The following MICAL3 variants were observed in gnomAD, a reference collection of about 807,000 sequenced individuals.
The protein encoded by MICAL3 is [F-actin]-monooxygenase MICAL3.
A neutral mutation model predicts 207.4 loss-of-function variants in MICAL3; 62 were observed. The observed-to-expected ratio is 0.30, with a 90% confidence interval of 0.24 to 0.37. The LOEUF (loss-of-function observed/expected upper bound fraction) is 0.37, where lower values mean the gene tolerates loss of function less well. Ranked by LOEUF, MICAL3 falls within the 10% of genes least tolerant of loss-of-function variation. The probability of loss-of-function intolerance (pLI) is 1.00; values close to 1 mark genes in which losing one functional copy is unlikely to be tolerated. For synonymous variants in MICAL3, 1,077 were observed against 1,069.3 expected, an observed-to-expected ratio of 1.01 and a Z score of -0.14; for missense variants, 2,368 against 2,635.6, an observed-to-expected ratio of 0.90 and a Z score of 2.22.
rs1016067359 is a variant in MICAL3, at chr22:17,818,134, C to T, written c.4527G>A (p.Val1509=). Residue 1509 remains valine, a synonymous_variant, in exon 26 of 32, where the codon GTG becomes GTA. Transcript: ENST00000441493. ...CCACGCTCTCCACAAACGACTTCCGCACCTCCTCTCTGGGGGGCTGAGCAG... is the reference window on the plus strand; with the variant it reads ...CCACGCTCTCCACAAACGACTTCCGTACCTCCTCTCTGGGGGGCTGAGCAG... The part of the protein sequence containing the change: ...REPAQPPREE[V]RKSFVESVEE... 3 of 1,609,362 alleles carry T rather than the reference C, an allele frequency of 1.9e-6. No homozygotes were observed. The highest frequency in any genetic ancestry group is 2.7e-5 in the African/African-American group (2 of 74,894).
Position 17,909,523 on chromosome 22 carries a change from T to C in MICAL3, c.-74-2637A>G, listed in dbSNP as rs1931976505. Among the ~76,000 whole-genome samples, 4 of 152,132 alleles carry C rather than the reference T, an allele frequency of 2.6e-5. No homozygotes were observed. In the South Asian group the frequency reaches 8.3e-4, roughly 32 times the overall value. On this transcript the variant is annotated intron_variant, in intron 1 of 31. Transcript: ENST00000441493. ...CTCAGCGACAGAGTGAGACCCTGTC[T>C]CAAAACAAAACAAAACAAAAACAAT...
At chr22:17,827,814 A>G in intron 21 of MICAL3, 33 bp from the exon 22 acceptor site, 6 of 1,523,398 alleles carry the variant, frequency 3.9e-6, no homozygotes, top group Non-Finnish European at 5.3e-6. Context: ...TGGAGAAATG[A>G]GGTGGGGAAG....
rs1223341201 is a variant in MICAL3, at chr22:17,788,917, TG to T, written c.*1814del. ...GAGGGGCCAGGCCTCTGCTCCCAGC[TG>T]GCCCCAGCCCACGGAGGCGGCAGGC... On this transcript the variant is annotated 3_prime_UTR_variant, in exon 32 of 32. Coordinates refer to ENST00000441493, the MANE Select transcript of MICAL3 (RefSeq NM_015241.3). The T allele has an allele frequency of 6.6e-6, 1 of 152,512 alleles. No individual in the cohort carries two copies. Among genetic ancestry groups the T allele is most frequent in the Non-Finnish European group, 1.5e-5 (1 of 68,240 alleles). The allele number at this position is 152,512 out of a possible 1,614,324, so 9.4% of individuals were successfully genotyped here.
intron 1 of MICAL3, among the ~76,000 whole-genome samples, chr22:18,013,102 C>T (rs950216908): frequency 2.6e-5 from 4 of 152,130 alleles, no homozygotes; most frequent in Admixed American, 1.3e-4. Context: ...AGCAGGGAGC[C>T]GCAGAACTGA....
At chr22:17,882,335 C>T (rs1228088317) in intron 16 of MICAL3, among the ~76,000 whole-genome samples, 2 of 152,220 alleles carry the variant, frequency 1.3e-5, no homozygotes, top group Non-Finnish European at 2.9e-5. Context: ...TCAGCTATCA[C>T]TGTCCTACCA....
At position 17,817,783 on chromosome 22, in the gene MICAL3, G is replaced by A; in HGVS notation, c.4878C>T (p.Ala1626=). Reference sequence around the variant, plus strand: ...CCTTGCGGGGCCTGGGGGCGCCTGAGGCCAGCTCCATCTGCTGCATCCTGC... The same window carrying A: ...CCTTGCGGGGCCTGGGGGCGCCTGAAGCCAGCTCCATCTGCTGCATCCTGC... ...QLSRMQQMEL[A]SGAPRPRKAS... The change falls in exon 26 of 32, where the codon GCC becomes GCT. Residue 1626 remains alanine, a synonymous_variant. Transcript: ENST00000441493. The A allele has an allele frequency of 3.7e-6, 6 of 1,602,718 alleles. No individual in the cohort carries two copies. Among genetic ancestry groups the A allele is most frequent in the Non-Finnish European group, 5.1e-6 (6 of 1,174,228 alleles).
Position 17,907,302 on chromosome 22 carries a change from G to T in MICAL3, c.-74-416C>A, listed in dbSNP as rs1255657249. 2.0e-5 allele frequency among the ~76,000 whole-genome samples: 3 copies of T among 152,310 alleles called. No homozygotes were observed. The East Asian group carries it at 5.8e-4, about 29-fold the overall frequency. On this transcript the variant is annotated intron_variant, in intron 1 of 31. Transcript: ENST00000441493. The stretch of plus-strand genomic sequence containing the variant: ...TAAATGTTAGCCAGGCAGGGAAGAG[G>T]TGTAGGACATGGGAAAGTGACAAAG...
At chr22:17,964,730 A>G (rs448680) in intron 1 of MICAL3, among the ~76,000 whole-genome samples, 91,616 of 151,968 alleles carry the variant, frequency 0.6, 28,507 homozygotes, top group Middle Eastern at 0.77. Flanking sequence ...TTTCTGGTAC[A>G]AGCCAGTCCT....
At chr22:17,927,707 G>C (rs185906740) in intron 1 of MICAL3, among the ~76,000 whole-genome samples, 5 of 152,208 alleles carry the variant, frequency 3.3e-5, no homozygotes, top group African/African-American at 1.2e-4. Context: ...CTGAACCTCT[G>C]CTTGTCCTCT....
rs992540152 is a variant in MICAL3 at position 17,878,154 on chromosome 22, T to C, written c.2242-6131A>G. 2.6e-5 allele frequency among the ~76,000 whole-genome samples: 4 copies of C among 152,156 alleles called. No homozygotes were observed. In the East Asian group the frequency reaches 5.8e-4, roughly 22 times the overall value. ...AGGCCTGAGCCACCGCACCCGGCCT[T>C]CCCCTCCCTTCTTCTTTTAGGCGCT... On this transcript the variant is annotated intron_variant, in intron 16 of 31. Coordinates refer to ENST00000441493, the MANE Select transcript of MICAL3 (RefSeq NM_015241.3).
intron 16 of MICAL3, chr22:17,876,764 T>TA (rs1928436308): frequency 7.1e-6 from 1 of 140,972 alleles, no homozygotes; most frequent in South Asian, 2.2e-4. Context: ...TTAAGGAGGT[T>TA]AGGGAAGTTA....
At chr22:17,797,555 A>G (rs1280431432) in intron 29 of MICAL3, among the ~76,000 whole-genome samples, 2 of 152,206 alleles carry the variant, frequency 1.3e-5, no homozygotes, top group Non-Finnish European at 2.9e-5. Context: ...CTCTGTTCAT[A>G]GCCCGACAAC....
At chr22:17,894,440 A>G (rs988275552) in intron 10 of MICAL3, among the ~76,000 whole-genome samples, 5 of 151,478 alleles carry the variant, frequency 3.3e-5, no homozygotes, top group Admixed American at 2.6e-4. Flanking sequence ...AAAATTAGTT[A>G]CTCGGTCATG....
intron 1 of MICAL3, among the ~76,000 whole-genome samples, chr22:17,910,502 G>A (rs1932058930): frequency 6.6e-6 from 1 of 152,222 alleles, no homozygotes; most frequent in Non-Finnish European, 1.5e-5. Flanking sequence ...CAGCAGGCAA[G>A]TTTTAATTCC....
intron 13 of MICAL3, 81 bp downstream of exon 13, chr22:17,888,953 G>A (rs1009175132): frequency 3.0e-5 from 29 of 958,080 alleles, no homozygotes; most frequent in Non-Finnish European, 3.9e-5. Flanking sequence ...GCACTGCTGC[G>A]GGACAGTCGG....
At chr22:18,023,275 C>A (rs1037141541) in intron 1 of MICAL3, among the ~76,000 whole-genome samples, 2 of 152,128 alleles carry the variant, frequency 1.3e-5, no homozygotes, top group Non-Finnish European at 2.9e-5. Context: ...AGTGTTTGGG[C>A]CATATCCCAG....
chr22:17,916,246 C>G (rs1481413850), intron 1 of MICAL3, among the ~76,000 whole-genome samples: 1 of 152,034 alleles, frequency 6.6e-6, no homozygotes, highest in African/African-American at 2.4e-5. Context: ...CGAGCGACAT[C>G]TGCCGCATGT....
intron 1 of MICAL3, among the ~76,000 whole-genome samples, chr22:17,999,181 A>T (rs1922650655): frequency 6.6e-6 from 1 of 152,322 alleles, no homozygotes; most frequent in African/African-American, 2.4e-5. Flanking sequence ...CACCTGCAGG[A>T]CTACTCGACA....
chr22:18,003,651 T>C (rs80279890), intron 1 of MICAL3, among the ~76,000 whole-genome samples: 5,063 of 152,278 alleles, frequency 0.033, 114 homozygotes, highest in South Asian at 0.072. Flanking sequence ...GGCTTACAAT[T>C]TGGCTACCAA....
Sources: gnomAD v4.1 joint callset for allele counts (sites outside exome capture counted in the v4.1 genomes callset) on GRCh38, gnomAD v4.1.1 for gene constraint, MANE v1.5 for transcripts, NCBI Gene and HGNC (gene_info 2026-07-23, HGNC 2026-07-21) for gene names.